The following CDIN1 variants were observed in gnomAD, a reference collection of about 807,000 sequenced individuals.
CDIN1 encodes CDAN1 interacting nuclease 1.
Under a neutral mutation model 45.3 loss-of-function variants are expected in CDIN1, and 33 were observed. That is an observed-to-expected ratio of 0.73 (90% confidence interval 0.55 to 0.97). CDIN1 has a LOEUF of 0.97. Among genes scored for constraint, CDIN1 ranks in the 50% least tolerant of loss-of-function variants. CDIN1 has a pLI of 0.00. For missense variants in CDIN1, 303 were observed against 339.4 expected, an observed-to-expected ratio of 0.89 and a Z score of 0.84; for synonymous variants, 118 against 124.4, an observed-to-expected ratio of 0.95 and a Z score of 0.34.
In CDIN1 at chr15:36,702,143, A is replaced by G. The variant is rs932499218; in HGVS notation, c.544+4753A>G. The G allele has an allele frequency of 4.3e-6, 3 of 701,894 alleles. No individual in the cohort carries two copies. The African/African-American group carries it at 5.2e-5, about 12-fold the overall frequency. 43.5% of individuals were successfully genotyped at this position (701,894 alleles called of 1,614,324 possible). A position where few individuals can be genotyped will look rare whatever the true frequency, so the allele number is the denominator to read the frequency against. On this transcript the variant is annotated intron_variant, in intron 8 of 10. Transcript: ENST00000566621. ...CGATTATGTAGGCTGAAGGGAATGG[A>G]GATGGCTGGGTATTTCATAAGGAAT...
intron 10 of CDIN1, chr15:36,756,015 G>C: frequency 4.4e-6 from 2 of 455,740 alleles, no homozygotes; most frequent in Non-Finnish European, 8.8e-6. Context: ...TATCACCTCT[G>C]TGCTGAGTCC....
intron 10 of CDIN1, among the ~76,000 whole-genome samples, chr15:36,718,735 G>A (rs1595514498): frequency 6.7e-6 from 1 of 150,286 alleles, no homozygotes; most frequent in East Asian, 2.0e-4. Context: ...TACATCATTG[G>A]TGGAAGTGAT....
At chr15:36,602,303 C>T (rs2038145743) in intron 1 of CDIN1, among the ~76,000 whole-genome samples, 1 of 152,180 alleles carries the variant, frequency 6.6e-6, no homozygotes, top group Non-Finnish European at 1.5e-5. Flanking sequence ...ATTAATGGCT[C>T]ACAGTTTTAA....
At chr15:36,707,799 G>A (rs368537216) in intron 8 of CDIN1, 2 of 152,292 alleles carry the variant, frequency 1.3e-5, no homozygotes, top group South Asian at 4.1e-4. Flanking sequence ...ATTGTGGTCA[G>A]AGTATAGTTA....
intron 10 of CDIN1, among the ~76,000 whole-genome samples, chr15:36,789,518 G>A (rs183794101): frequency 1.5e-3 from 235 of 152,268 alleles, no homozygotes; most frequent in African/African-American, 5.3e-3. Context: ...CTGAAAAAAA[G>A]GTTGGTCAAC....
At chr15:36,722,985 G>GTT (rs1555400423) in intron 10 of CDIN1, among the ~76,000 whole-genome samples, 25,150 of 119,008 alleles carry the variant, frequency 0.21, 2,519 homozygotes, top group East Asian at 0.34. Flanking sequence ...GTGTGTGTGT[G>GTT]TTTCTCTCTC....
intron 5 of CDIN1, among the ~76,000 whole-genome samples, chr15:36,669,426 A>G (rs2041366283): frequency 6.6e-6 from 1 of 152,104 alleles, no homozygotes; most frequent in South Asian, 2.1e-4. Flanking sequence ...CTTTTTTAAA[A>G]TAAAATTTTA....
intron 10 of CDIN1, among the ~76,000 whole-genome samples, chr15:36,725,853 T>TA (rs11318396): frequency 3.6e-4 from 54 of 151,262 alleles, no homozygotes; most frequent in African/African-American, 5.6e-4. Flanking sequence ...CTAAGTGCTT[T>TA]AAAAAAAAAT....
At chr15:36,616,483 T>G (rs1011584523) in intron 1 of CDIN1, among the ~76,000 whole-genome samples, 1 of 152,040 alleles carries the variant, frequency 6.6e-6, no homozygotes, top group Admixed American at 6.6e-5. Flanking sequence ...AGTTTCTTCA[T>G]GTTGGTCAGG....
chr15:36,596,133 A>G (rs1460212683), intron 1 of CDIN1, among the ~76,000 whole-genome samples: 1 of 152,126 alleles, frequency 6.6e-6, no homozygotes, highest in Non-Finnish European at 1.5e-5. Context: ...AATAATTGCT[A>G]ACAAAAAATA....
At chr15:36,664,747 C>T (rs753545154) in intron 5 of CDIN1, among the ~76,000 whole-genome samples, 10 of 152,130 alleles carry the variant, frequency 6.6e-5, no homozygotes, top group East Asian at 1.9e-4. Context: ...GGGGTTTCAC[C>T]ATGTTAGCCA....
chr15:36,696,925 A>G lies in CDIN1; in HGVS notation c.477-398A>G, dbSNP rs954441207. Among the ~76,000 whole-genome samples the G allele has an allele frequency of 5.3e-5, 8 of 149,864 alleles. No homozygotes were observed. The South Asian group carries it at 1.3e-3, about 24-fold the overall frequency. On this transcript the variant is annotated intron_variant, in intron 7 of 10. Coordinates refer to ENST00000566621, the MANE Select transcript of CDIN1 (RefSeq NM_001321759.2). The stretch of plus-strand genomic sequence containing the variant: ...CTAGGAGTTTGAGACCAGCCTGAGC[A>G]ACATAGTGCGATTCCATTTCTAAAA...
At position 36,808,287 on chromosome 15, in the gene CDIN1, T is replaced by C. The variant is rs781262355; in HGVS notation, c.717-37T>C. ...TGACTTTTTTCAAGAGCTCTGTTGATACCATGTGTGTGTGTTATTTTCTGG... is the reference window on the plus strand; with the variant it reads ...TGACTTTTTTCAAGAGCTCTGTTGACACCATGTGTGTGTGTTATTTTCTGG... On this transcript the variant is annotated intron_variant, in intron 10 of 10. Coordinates refer to ENST00000566621, the MANE Select transcript of CDIN1 (RefSeq NM_001321759.2). The C allele has an allele frequency of 3.1e-6, 5 of 1,610,976 alleles. No homozygotes were observed. The South Asian group carries it at 3.3e-5, about 11-fold the overall frequency.
intron 1 of CDIN1, among the ~76,000 whole-genome samples, chr15:36,636,696 A>G (rs1484529638): frequency 6.6e-6 from 1 of 152,234 alleles, no homozygotes; most frequent in African/African-American, 2.4e-5. Flanking sequence ...TTTGAGATTT[A>G]AGAAATATAC....
intron 1 of CDIN1, among the ~76,000 whole-genome samples, chr15:36,610,462 G>C (rs2123795): frequency 0.092 from 14,038 of 152,192 alleles, 734 homozygotes; most frequent in Middle Eastern, 0.13. Context: ...TAGTTAATGA[G>C]ATGTTGGCTT....
At chr15:36,588,274 AT>A (rs11319096) in intron 1 of CDIN1, among the ~76,000 whole-genome samples, 131,762 of 152,100 alleles carry the variant, frequency 0.87, 57,173 homozygotes, top group Middle Eastern at 0.96. Context: ...ATTTTTAAGA[AT>A]TGAGGGAGCA....
At chr15:36,602,834 A>T (rs1440432800) in intron 1 of CDIN1, among the ~76,000 whole-genome samples, 2 of 152,230 alleles carry the variant, frequency 1.3e-5, no homozygotes, top group East Asian at 3.9e-4. Flanking sequence ...TATATATACA[A>T]AAAATGAGCC....
chr15:36,782,049 T>C (rs2054366317), intron 10 of CDIN1, among the ~76,000 whole-genome samples: 1 of 152,208 alleles, frequency 6.6e-6, no homozygotes, highest in Non-Finnish European at 1.5e-5. Flanking sequence ...GAAGTAGCCA[T>C]GGATTGTAAA....
chr15:36,745,928 T>C (rs2044408585), intron 10 of CDIN1, among the ~76,000 whole-genome samples: 1 of 152,038 alleles, frequency 6.6e-6, no homozygotes, highest in Non-Finnish European at 1.5e-5. Context: ...ATCACGCCAT[T>C]GCACTCCAGC....
Sources: gnomAD v4.1 joint callset for allele counts (sites outside exome capture counted in the v4.1 genomes callset) on GRCh38, gnomAD v4.1.1 for gene constraint, MANE v1.5 for transcripts, NCBI Gene and HGNC (gene_info 2026-07-23, HGNC 2026-07-21) for gene names.